FBXO48: variants seen among roughly 807,000 people sequenced by gnomAD.
FBXO48 encodes F-box protein 48.
FBXO48 carries 12 observed loss-of-function variants against 14.3 expected under a neutral mutation model. That is an observed-to-expected ratio of 0.84 (90% CI 0.54 to 1.36). The LOEUF (loss-of-function observed/expected upper bound fraction) is 1.36, where lower values mean the gene tolerates loss of function less well. Among genes scored for constraint, FBXO48 ranks in the 40% most tolerant of loss-of-function variants. The pLI is 0.00. For missense variants in FBXO48, 177 were observed against 179.1 expected (o/e 0.99, Z 0.07); for synonymous variants, 53 against 61.7 (o/e 0.86, Z 0.66).
At chr2:68,465,322 CCT>C in intron 2 of FBXO48, 144 bp from the exon 3 acceptor site, 3 of 593,332 alleles carry the variant, frequency 5.1e-6, no homozygotes, top group Non-Finnish European at 5.9e-6. Context: ...CTGCCGCTCT[CCT>C]GAAAGTTCTT....
At position 68,465,325 on chromosome 2, in the gene FBXO48, G is replaced by C; in HGVS notation, c.-33-147C>G. ...AATGGGCCAATGCTGCCGCTCTCCT[G>C]AAAGTTCTTGCAAGGATTAACAGTG... On this transcript the variant is annotated intron_variant, in intron 2 of 3. Coordinates refer to ENST00000377957, the MANE Select transcript of FBXO48 (RefSeq NM_001024680.3). 7 of 592,138 alleles carry C rather than the reference G, an allele frequency of 1.2e-5. No individual in the cohort carries two copies. In the South Asian group the frequency reaches 1.3e-4, roughly 11 times the overall value. The allele number at this position is 592,138 out of a possible 1,614,324, so 36.7% of individuals were successfully genotyped here. A position where few individuals can be genotyped will look rare whatever the true frequency, so the allele number is the denominator to read the frequency against.
At chr2:68,464,603 A>G (rs376361290) in intron 3 of FBXO48, among the ~76,000 whole-genome samples, 74 of 152,348 alleles carry the variant, frequency 4.9e-4, no homozygotes, top group African/African-American at 1.7e-3. Flanking sequence ...TGGTTAACGC[A>G]GGAAAATTCC....
At chr2:68,464,450 T>A in intron 3 of FBXO48, 80 bp from the exon 4 acceptor site, 1 of 1,250,988 alleles carries the variant, frequency 8.0e-7, no homozygotes, top group Non-Finnish European at 1.2e-6. Flanking sequence ...GAGAAGCAGA[T>A]TGACAGGGCT....
chr2:68,464,822 C>T lies in FBXO48; in HGVS notation c.306+18G>A, dbSNP rs202123162. ...TAACGCTGTCAACAACACTGCAGAT[C>T]GCAAAGATTAAACTTACCCTCCAGG... is the stretch of plus-strand genomic sequence containing the variant. On this transcript the variant is annotated intron_variant, in intron 3 of 3. Transcript: ENST00000377957. 2.6e-4 allele frequency: 410 copies of T among 1,583,538 alleles called. 1 individual carries two copies. The highest frequency in any genetic ancestry group is 2.3e-3 in the Middle Eastern group (14 of 6,010).
chr2:68,465,253 G>C (rs1043654694), intron 2 of FBXO48, 75 bp from the exon 3 acceptor site: 1 of 760,568 alleles, frequency 1.3e-6, no homozygotes, highest in African/African-American at 1.8e-5. Context: ...ATGCTTTTTG[G>C]GTATAATTTA....
At chr2:68,466,021 T>C (rs1675401390) in intron 2 of FBXO48, 123 bp downstream of exon 2, 1 of 152,220 alleles carries the variant, frequency 6.6e-6, no homozygotes, top group African/African-American at 2.4e-5. Flanking sequence ...AAGCTAAGGA[T>C]AATAGTCACT....
intron 2 of FBXO48, 123 bp from the exon 3 acceptor site, chr2:68,465,301 A>C (rs536855805): frequency 8.2e-6 from 5 of 610,398 alleles, no homozygotes; most frequent in Non-Finnish European, 1.4e-5. Context: ...AATCTGTAAA[A>C]TGGGCCAATG....
In FBXO48 at chr2:68,462,953, G is replaced by A. The variant is rs900345180; in HGVS notation, c.*1256C>T. On this transcript the variant is annotated 3_prime_UTR_variant, in exon 4 of 4. Coordinates refer to ENST00000377957, the MANE Select transcript of FBXO48 (RefSeq NM_001024680.3). Reference sequence around the variant, plus strand: ...AGTAGAAGTACAGGATTTCAGCTTGGGCTGGCTGACTGACAGTGTTCCTAT... The same window carrying A: ...AGTAGAAGTACAGGATTTCAGCTTGAGCTGGCTGACTGACAGTGTTCCTAT... 6.6e-6 allele frequency: 1 copy of A among 152,222 alleles called. No individual in the cohort carries two copies. The highest frequency in any genetic ancestry group is 2.4e-5 in the African/African-American group (1 of 41,454). 9.4% of individuals were successfully genotyped at this position (152,222 alleles called of 1,614,324 possible).
rs762735874 is a variant in FBXO48, at chr2:68,465,063, T to G, written c.83A>C (p.Asn28Thr). The change falls in exon 3 of 4, where the codon AAT (asparagine) becomes ACT (threonine). Residue 28 changes from asparagine (N) to threonine (T), a missense_variant. Transcript: ENST00000377957. ...TTCAAAAAAGTTGTTTTGACTCTCA[T>G]TTTTTTCCTTCTCAGCATCCACAGA... ...ANSVDAEKEK[N>T]ESQNNFFELL... 1.2e-6 allele frequency: 2 copies of G among 1,613,552 alleles called. No homozygotes were observed. The highest frequency in any genetic ancestry group is 2.2e-5 in the South Asian group (2 of 91,052).
At position 68,465,154 on chromosome 2, in the gene FBXO48, G is replaced by A. The variant is rs1213482855; in HGVS notation, c.-9C>T. 1 of 1,582,352 alleles carries A rather than the reference G, an allele frequency of 6.3e-7. No homozygotes were observed. The highest frequency in any genetic ancestry group is 8.6e-7 in the Non-Finnish European group (1 of 1,162,330). On this transcript the variant is annotated 5_prime_UTR_variant, in exon 3 of 4. Coordinates refer to ENST00000377957, the MANE Select transcript of FBXO48 (RefSeq NM_001024680.3). Reference sequence around the variant, plus strand: ...TTGGAGTTTTTATGCATAGCTTAATGTTTTAAGTTATCCTCATATGTAACC... The same window carrying A: ...TTGGAGTTTTTATGCATAGCTTAATATTTTAAGTTATCCTCATATGTAACC...
In FBXO48 at chr2:68,463,957, G is replaced by A. The variant is rs1373843985; in HGVS notation, c.*252C>T. On this transcript the variant is annotated 3_prime_UTR_variant, in exon 4 of 4. Coordinates refer to ENST00000377957, the MANE Select transcript of FBXO48 (RefSeq NM_001024680.3). The stretch of plus-strand genomic sequence containing the variant: ...CACAAATACATGAAACATTGTATTT[G>A]GAAATCACTCTATCAGTATATTATT... The A allele has an allele frequency of 1.5e-5, 5 of 323,020 alleles. No homozygotes were observed. The Middle Eastern group carries it at 2.9e-3, about 189-fold the overall frequency. The allele number at this position is 323,020 out of a possible 1,614,324, so 20.0% of individuals were successfully genotyped here.
intron 1 of FBXO48, among the ~76,000 whole-genome samples, 161 bp downstream of exon 1, chr2:68,467,050 T>A (rs1675437182): frequency 6.6e-6 from 1 of 152,060 alleles, no homozygotes; most frequent in African/African-American, 2.4e-5. Context: ...TTGCAGCTGC[T>A]GGAACCCAAG....
Position 68,463,970 on chromosome 2 carries a change from T to A in FBXO48, c.*239A>T, listed in dbSNP as rs547368977. ...AACATTGTATTTGGAAATCACTCTA[T>A]CAGTATATTATTTCTTATAAAAATA... On this transcript the variant is annotated 3_prime_UTR_variant, in exon 4 of 4. Transcript: ENST00000377957. 1 of 377,590 alleles carries A rather than the reference T, an allele frequency of 2.6e-6. No individual in the cohort carries two copies. The highest frequency in any genetic ancestry group is 2.0e-5 in the African/African-American group (1 of 49,604). The allele number at this position is 377,590 out of a possible 1,614,324, so 23.4% of individuals were successfully genotyped here. A position where few individuals can be genotyped will look rare whatever the true frequency, so the allele number is the denominator to read the frequency against.
Position 68,465,147 on chromosome 2 carries a change from G to C in FBXO48, c.-2C>G. The C allele has an allele frequency of 1.3e-6, 2 of 1,593,058 alleles. No homozygotes were observed. Among genetic ancestry groups the C allele is most frequent in the Non-Finnish European group, 1.7e-6 (2 of 1,168,426 alleles). On this transcript the variant is annotated 5_prime_UTR_variant, in exon 3 of 4. Coordinates refer to ENST00000377957, the MANE Select transcript of FBXO48 (RefSeq NM_001024680.3). The stretch of plus-strand genomic sequence containing the variant: ...GTTTCTCTTGGAGTTTTTATGCATA[G>C]CTTAATGTTTTAAGTTATCCTCATA...
At chr2:68,464,404 T>C (rs1275351182) in intron 3 of FBXO48, 34 bp from the exon 4 acceptor site, 2 of 1,601,006 alleles carry the variant, frequency 1.2e-6, no homozygotes, top group African/African-American at 2.7e-5. Flanking sequence ...AAAAAGACTG[T>C]AGTAGGTGGT....
rs1675235199 is a variant in FBXO48 at position 68,460,577 on chromosome 2, A to G, written c.*3632T>C. 1 of 151,400 alleles carries G rather than the reference A, an allele frequency of 6.6e-6. No homozygotes were observed. The highest frequency in any genetic ancestry group is 2.4e-5 in the African/African-American group (1 of 41,342). 9.4% of individuals were successfully genotyped at this position (151,400 alleles called of 1,614,324 possible). A position where few individuals can be genotyped will look rare whatever the true frequency, so the allele number is the denominator to read the frequency against. On this transcript the variant is annotated 3_prime_UTR_variant, in exon 4 of 4. Transcript: ENST00000377957. Reference sequence around the variant, plus strand: ...ATACTTATACTATCTTTGGATAAAAATCCAAAAGATAATAGCATATGTATT... The same window carrying G: ...ATACTTATACTATCTTTGGATAAAAGTCCAAAAGATAATAGCATATGTATT...
In FBXO48 at chr2:68,464,892, G is replaced by A. The variant is rs1187937579; in HGVS notation, c.254C>T (p.Ala85Val). 1 of 1,613,676 alleles carries A rather than the reference G, an allele frequency of 6.2e-7. No individual in the cohort carries two copies. Among genetic ancestry groups the A allele is most frequent in the South Asian group, 1.1e-5 (1 of 91,074 alleles). ...ATCATCTATTTCTCTTCGGCACACA[G>A]CTCTTACAGTCATGCAGTGAGGTTT... Reference protein sequence around the residue: ...LWKPHCMTVRAVCRREIDDDL... With the variant: ...LWKPHCMTVRVVCRREIDDDL... Residue 85 changes from alanine (A) to valine (V), a missense_variant, in exon 3 of 4, where the codon GCT becomes GTT. Physicochemically the swap from Ala to Val is moderately conservative, Grantham distance 64 (BLOSUM62 0). Coordinates refer to ENST00000377957, the MANE Select transcript of FBXO48 (RefSeq NM_001024680.3).
At position 68,461,176 on chromosome 2, in the gene FBXO48, G is replaced by A. The variant is rs1459457986; in HGVS notation, c.*3033C>T. ...CAATTTGAATTAATTTAGGTAAGCA[G>A]ATAAGGAATGGCTGGGACCAGGGTC... On this transcript the variant is annotated 3_prime_UTR_variant, in exon 4 of 4. Transcript: ENST00000377957. 1 of 152,008 alleles carries A rather than the reference G, an allele frequency of 6.6e-6. No homozygotes were observed. Among genetic ancestry groups the A allele is most frequent in the Admixed American group, 6.5e-5 (1 of 15,278 alleles). 9.4% of individuals were successfully genotyped at this position (152,008 alleles called of 1,614,324 possible).
chr2:68,464,291 G>A lies in FBXO48; in HGVS notation c.386C>T (p.Pro129Leu). 1.2e-6 allele frequency: 2 copies of A among 1,613,664 alleles called. No individual in the cohort carries two copies. Among genetic ancestry groups the A allele is most frequent in the Non-Finnish European group, 1.7e-6 (2 of 1,179,866 alleles). The change falls in exon 4 of 4, where the codon CCC becomes CTC. Residue 129 changes from proline (P) to leucine (L), a missense_variant. Pro to Leu is a moderately conservative substitution (Grantham distance 98). Transcript: ENST00000377957. ...LSGRYSNICS[P>L]ISLPEKIMYP... ...CATGATTTTTTCTGGTAGGCTAATG[G>A]GAGAACAAATGTTGCTGTATCTGCC...
Sources: gnomAD v4.1 joint callset for allele counts (sites outside exome capture counted in the v4.1 genomes callset) on GRCh38, gnomAD v4.1.1 for gene constraint, MANE v1.5 for transcripts, NCBI Gene and HGNC (gene_info 2026-07-23, HGNC 2026-07-21) for gene names.